Variants in ANKRD35 observed in about 807,000 individuals in gnomAD.
ANKRD35 encodes the protein ankyrin repeat domain-containing protein 35.
Under a neutral mutation model 109.9 loss-of-function variants are expected in ANKRD35, and 102 were observed. That is an observed-to-expected ratio of 0.93 (90% CI 0.79 to 1.09). The LOEUF (loss-of-function observed/expected upper bound fraction) is 1.09. Among genes scored for constraint, ANKRD35 ranks in the 50% least tolerant of loss-of-function variants. The pLI is 0.00. For missense variants in ANKRD35, 1,240 were observed against 1,230.1 expected, an observed-to-expected ratio of 1.01 and a Z score of -0.12; for synonymous variants, 515 against 512.4, an observed-to-expected ratio of 1.01 and a Z score of -0.07.
At chr1:145,877,367 G>A (rs1328414828) in intron 4 of ANKRD35, among the ~76,000 whole-genome samples, 3 of 151,836 alleles carry the variant, frequency 2.0e-5, no homozygotes, top group African/African-American at 7.3e-5. Flanking sequence ...CGAGTAACTG[G>A]GACTACAGGC....
intron 2 of ANKRD35, 92 bp downstream of exon 2, chr1:145,879,166 T>C (rs1654194967): frequency 7.2e-7 from 1 of 1,384,612 alleles, no homozygotes; most frequent in Admixed American, 2.8e-5. Context: ...AGCTCTGAAG[T>C]TGTAGGCATT....
chr1:145,885,647 G>A, intron 1 of ANKRD35, 73 bp downstream of exon 1: 1 of 1,516,322 alleles, frequency 6.6e-7, no homozygotes, highest in South Asian at 1.1e-5. Context: ...GATGCATTGA[G>A]ACGGGACTAA....
chr1:145,868,760 C>T (rs916105140), intron 10 of ANKRD35, among the ~76,000 whole-genome samples: 8 of 152,180 alleles, frequency 5.3e-5, no homozygotes, highest in African/African-American at 2.4e-5. Flanking sequence ...ATTCCTATTT[C>T]CTCTCATGTT....
chr1:145,873,205 G>A lies in ANKRD35; in HGVS notation c.1564C>T (p.Leu522=), dbSNP rs1328167087. The A allele has an allele frequency of 6.2e-7, 1 of 1,614,140 alleles. No homozygotes were observed. The highest frequency in any genetic ancestry group is 1.3e-5 in the African/African-American group (1 of 75,042). The change falls in exon 10 of 14, where the codon CTG becomes TTG. Residue 522 remains leucine (L), a synonymous_variant. Coordinates refer to ENST00000355594, the MANE Select transcript of ANKRD35 (RefSeq NM_144698.5). ...GCTGCCTCAGCACGGGGAGTCCCCA[G>A]GGCTCCCTCCATGACCGGTCTTGAC... The part of the protein sequence containing the change: ...ALSRPVMEGA[L]GTPRAEAAAA...
rs202032121 is a variant in ANKRD35 at position 145,876,797 on chromosome 1, A to T, written c.382+19T>A. On this transcript the variant is annotated intron_variant, in intron 5 of 13. Transcript: ENST00000355594. ...CTGTAGTCTCTGCAGCCCTGTTCCC[A>T]TGAGTCCCCTGCACACACCTGCCCA... The T allele has an allele frequency of 2.2e-5, 36 of 1,613,908 alleles. No individual in the cohort carries two copies. The highest frequency in any genetic ancestry group is 3.1e-5 in the Non-Finnish European group (36 of 1,179,980).
At position 145,873,490 on chromosome 1, in the gene ANKRD35, G is replaced by A; in HGVS notation, c.1279C>T (p.Pro427Ser). Reference protein sequence around the residue: ...HGRSQPEEQGPPQSPASETIR... With the variant: ...HGRSQPEEQGSPQSPASETIR... ...GTCTCAGACGCTGGGCTCTGGGGTG[G>A]CCCCTGTTCTTCTGGTTGGGACCTT... The change falls in exon 10 of 14, where the codon CCA becomes TCA. Residue 427 changes from proline to serine, a missense_variant. Physicochemically the swap from Pro to Ser is moderately conservative, Grantham distance 74. Transcript: ENST00000355594. 6.2e-7 allele frequency: 1 copy of A among 1,613,930 alleles called. No individual in the cohort carries two copies. Among genetic ancestry groups the A allele is most frequent in the Non-Finnish European group, 8.5e-7 (1 of 1,179,946 alleles).
At chr1:145,885,099 G>A (rs1570811875) in intron 1 of ANKRD35, among the ~76,000 whole-genome samples, 1 of 152,206 alleles carries the variant, frequency 6.6e-6, no homozygotes, top group African/African-American at 2.4e-5. Context: ...TTGGAAAAAG[G>A]TTTGGAGTGA....
At chr1:145,875,947 A>G (rs782162175) in intron 7 of ANKRD35, among the ~76,000 whole-genome samples, 193 bp downstream of exon 7, 2 of 152,278 alleles carry the variant, frequency 1.3e-5, no homozygotes, top group African/African-American at 4.8e-5. Flanking sequence ...TCATCTATCT[A>G]TGAAGATGGT....
intron 10 of ANKRD35, among the ~76,000 whole-genome samples, chr1:145,871,735 T>C (rs1377846393): frequency 6.6e-6 from 1 of 152,186 alleles, no homozygotes; most frequent in Non-Finnish European, 1.5e-5. Flanking sequence ...CTTCTGAATC[T>C]GGGTGCCAAA....
Position 145,879,336 on chromosome 1 carries a change from C to G in ANKRD35, c.92G>C (p.Gly31Ala), listed in dbSNP as rs1553740721. Reference protein sequence around the residue: ...DQKLLEAVHRGDVGRVAALAS... With the variant: ...DQKLLEAVHRADVGRVAALAS... ...CAGGGCAGCCACGCGTCCCACATCC[C>G]CCCTGTGCACTGCCTCCAGCAGCTT... Residue 31 changes from glycine (G) to alanine (A), a missense_variant, in exon 2 of 14, where the codon GGG becomes GCG. Transcript: ENST00000355594. 1 of 1,608,636 alleles carries G rather than the reference C, an allele frequency of 6.2e-7. No individual in the cohort carries two copies. The highest frequency in any genetic ancestry group is 1.7e-5 in the Admixed American group (1 of 59,330).
intron 1 of ANKRD35, 75 bp from the exon 2 acceptor site, chr1:145,879,463 G>T: frequency 7.4e-7 from 1 of 1,355,058 alleles, no homozygotes; most frequent in South Asian, 2.1e-5. Flanking sequence ...CAAATGGTTA[G>T]GATGCCAAAT....
chr1:145,867,892 G>T, intron 12 of ANKRD35, 99 bp downstream of exon 12: 1 of 1,160,690 alleles, frequency 8.6e-7, no homozygotes, highest in Non-Finnish European at 1.3e-6. Context: ...GAAACAGCAA[G>T]TGTGTACAGG....
rs782145699 is a variant in ANKRD35 at position 145,874,834 on chromosome 1, G to C, written c.733C>G (p.Arg245Gly). The C allele has an allele frequency of 3.8e-6, 6 of 1,588,252 alleles. No individual in the cohort carries two copies. The highest frequency in any genetic ancestry group is 1.2e-5 in the South Asian group (1 of 86,848). ...CAAGGGCCTTTACCGCCCCGCCGCC[G>C]CCGGCTCAGGGCCTGCTGTAGGTGC... The part of the protein sequence containing the change: ...WRHLQQALSR[R>G]RRGGQRLVQH... The change falls in exon 8 of 14, where the codon CGG becomes GGG. Residue 245 changes from arginine (R) to glycine (G), a missense_variant. By Grantham distance (125) the Arg-to-Gly change is moderately radical. Transcript: ENST00000355594.
intron 1 of ANKRD35, among the ~76,000 whole-genome samples, chr1:145,884,621 A>G (rs1570811395): frequency 1.3e-5 from 2 of 150,952 alleles, no homozygotes; most frequent in South Asian, 4.2e-4. Context: ...CTAAGCCACC[A>G]CCTTCTATAA....
intron 10 of ANKRD35, among the ~76,000 whole-genome samples, chr1:145,871,189 A>G (rs191962188): frequency 6.4e-4 from 52 of 81,156 alleles, no homozygotes; most frequent in South Asian, 1.3e-3. Context: ...TTTGAGACAG[A>G]GTCTTGCTGT....
intron 2 of ANKRD35, 51 bp downstream of exon 2, chr1:145,879,207 G>C: frequency 6.6e-7 from 1 of 1,508,198 alleles, no homozygotes; most frequent in East Asian, 2.5e-5. Flanking sequence ...GGATTTGGGG[G>C]CTTCAAAAGG....
At chr1:145,878,595 G>C in intron 2 of ANKRD35, 116 bp from the exon 3 acceptor site, 3 of 931,518 alleles carry the variant, frequency 3.2e-6, no homozygotes, top group Non-Finnish European at 4.9e-6. Flanking sequence ...CCTAAAAGCA[G>C]GAAAAGAAGC....
intron 11 of ANKRD35, 59 bp downstream of exon 11, chr1:145,868,252 T>C (rs1030935529): frequency 6.4e-7 from 1 of 1,553,542 alleles, no homozygotes; most frequent in Non-Finnish European, 8.9e-7. Flanking sequence ...CTCCCACATA[T>C]ACATCACTTC....
intron 4 of ANKRD35, 98 bp from the exon 5 acceptor site, chr1:145,876,971 G>A (rs1654104522): frequency 2.4e-6 from 3 of 1,269,960 alleles, no homozygotes; most frequent in Admixed American, 1.8e-5. Flanking sequence ...AATATGAGGA[G>A]GGGCAGGAGG....
Sources: gnomAD v4.1 joint callset for allele counts (sites outside exome capture counted in the v4.1 genomes callset) on GRCh38, gnomAD v4.1.1 for gene constraint, MANE v1.5 for transcripts, NCBI Gene and HGNC (gene_info 2026-07-23, HGNC 2026-07-21) for gene names.